Variants in DLG2 observed in about 807,000 individuals in gnomAD.
DLG2 encodes discs large MAGUK scaffold protein 2, also known as disks large homolog 2.
A neutral mutation model predicts 132.5 loss-of-function variants in DLG2; 45 were observed. That is an observed-to-expected ratio of 0.34 (90% confidence interval 0.27 to 0.44). The LOEUF (loss-of-function observed/expected upper bound fraction) is 0.44, where lower values mean the gene tolerates loss of function less well. Among genes scored for constraint, DLG2 ranks in the 20% least tolerant of loss-of-function variants. The pLI is 1.00. For synonymous variants in DLG2, 424 were observed against 419.6 expected (o/e 1.01, Z -0.13); for missense variants, 1,045 against 1,196.9 (o/e 0.87, Z 1.87).
intron 6 of DLG2, among the ~76,000 whole-genome samples, chr11:84,881,196 T>C (rs1000230007): frequency 2.6e-5 from 4 of 152,144 alleles, no homozygotes; most frequent in Non-Finnish European, 5.9e-5. Flanking sequence ...CCATGACATT[T>C]GCAAAGCCTC....
chr11:84,123,303 C>G (rs995702198), intron 9 of DLG2, among the ~76,000 whole-genome samples: 2 of 152,222 alleles, frequency 1.3e-5, no homozygotes, highest in Non-Finnish European at 2.9e-5. Flanking sequence ...ACTCCTCTTT[C>G]ATATTGATAA....
chr11:85,279,797 G>T (rs1250673790), intron 4 of DLG2, among the ~76,000 whole-genome samples: 1 of 152,056 alleles, frequency 6.6e-6, no homozygotes, highest in African/African-American at 2.4e-5. Context: ...GAGCAGTATT[G>T]TGTTACCCTA....
At chr11:84,581,912 C>CA (rs780759635) in intron 6 of DLG2, among the ~76,000 whole-genome samples, 1,950 of 64,872 alleles carry the variant, frequency 0.03, 15 homozygotes, top group South Asian at 0.051. Context: ...TCTCAAAAAC[C>CA]AAAAAAAAAA....
chr11:84,742,085 T>C (rs1387593695), intron 6 of DLG2, among the ~76,000 whole-genome samples: 1 of 151,940 alleles, frequency 6.6e-6, no homozygotes, highest in Non-Finnish European at 1.5e-5. Flanking sequence ...TTTTCTCAAC[T>C]TGAAGATAGG....
At chr11:84,173,101 T>C (rs1485533263) in intron 8 of DLG2, among the ~76,000 whole-genome samples, 2 of 152,220 alleles carry the variant, frequency 1.3e-5, no homozygotes, top group Admixed American at 1.3e-4. Flanking sequence ...ATTTTCTATA[T>C]ACAAAATTGT....
intron 3 of DLG2, among the ~76,000 whole-genome samples, chr11:85,343,909 A>G (rs1174000669): frequency 6.6e-6 from 1 of 151,484 alleles, no homozygotes; most frequent in African/African-American, 2.4e-5. Context: ...CATTTCAGCA[A>G]AGAAAATTAG....
At chr11:83,787,320 T>C (rs1420803179) in intron 17 of DLG2, among the ~76,000 whole-genome samples, 1 of 93,110 alleles carries the variant, frequency 1.1e-5, no homozygotes, top group Non-Finnish European at 2.1e-5. Flanking sequence ...TTGTTTTTTT[T>C]TTGTTTTTTT....
chr11:83,818,589 C>T (rs1287211170), intron 17 of DLG2, among the ~76,000 whole-genome samples: 3 of 152,096 alleles, frequency 2.0e-5, no homozygotes, highest in Admixed American at 1.3e-4. Flanking sequence ...CTATCAAGTT[C>T]GTTGTAGACA....
chr11:84,557,389 A>G (rs2099413993), intron 6 of DLG2, among the ~76,000 whole-genome samples: 1 of 152,180 alleles, frequency 6.6e-6, no homozygotes, highest in Admixed American at 6.5e-5. Context: ...CAATGACAAA[A>G]GCAAATTCCT....
At chr11:84,880,566 A>G (rs1466328504) in intron 6 of DLG2, among the ~76,000 whole-genome samples, 1 of 152,166 alleles carries the variant, frequency 6.6e-6, no homozygotes, top group Non-Finnish European at 1.5e-5. Flanking sequence ...GCAGATGCTT[A>G]TGCTACAGAT....
intron 7 of DLG2, among the ~76,000 whole-genome samples, chr11:84,322,451 C>G (rs1025164916): frequency 6.6e-6 from 1 of 152,146 alleles, no homozygotes; most frequent in Non-Finnish European, 1.5e-5. Context: ...CAAGAGTTCT[C>G]CCTTTATAGC....
At chr11:83,720,294 G>GAAAAAAAGAAAAA (rs2088058514) in intron 18 of DLG2, among the ~76,000 whole-genome samples, 1 of 27,302 alleles carries the variant, frequency 3.7e-5, no homozygotes, top group African/African-American at 1.4e-4. Context: ...CTCCATCTCA[G>GAAAAAAAGAAAAA]AAAAAAAAAA....
rs1298179760 is a variant in DLG2 at position 84,183,707 on chromosome 11, T to C, written c.574-20196A>G. The stretch of plus-strand genomic sequence containing the variant: ...CCTCATTTACATCAGGTATATCTCC[T>C]AATGCTATCCCTCCCCACTCCCCTC... On this transcript the variant is annotated intron_variant, in intron 8 of 27. Coordinates refer to ENST00000376104, the MANE Select transcript of DLG2 (RefSeq NM_001142699.3). Among the ~76,000 whole-genome samples, 5 of 152,282 alleles carry C rather than the reference T, an allele frequency of 3.3e-5. No homozygotes were observed. In the East Asian group the frequency reaches 9.6e-4, roughly 29 times the overall value.
At chr11:83,988,536 T>C (rs185033146) in intron 11 of DLG2, among the ~76,000 whole-genome samples, 5 of 152,148 alleles carry the variant, frequency 3.3e-5, no homozygotes, top group African/African-American at 1.2e-4. Context: ...ATTCTTCCTA[T>C]CCATGAGCAT....
chr11:84,241,650 T>C (rs757153819), intron 8 of DLG2, among the ~76,000 whole-genome samples: 16 of 152,158 alleles, frequency 1.1e-4, no homozygotes, highest in Non-Finnish European at 2.4e-4. Context: ...TCATGCTAAA[T>C]GTCTGATCAT....
chr11:84,475,314 A>G (rs1348051424), intron 7 of DLG2, among the ~76,000 whole-genome samples: 2 of 152,156 alleles, frequency 1.3e-5, no homozygotes, highest in African/African-American at 4.8e-5. Context: ...AAGGGTATCA[A>G]TAAGCATTTG....
intron 8 of DLG2, among the ~76,000 whole-genome samples, chr11:84,177,207 A>C (rs1019477088): frequency 6.6e-6 from 1 of 152,068 alleles, no homozygotes; most frequent in Non-Finnish European, 1.5e-5. Context: ...TTGCTTGCCA[A>C]GTTTTCCCTG....
At chr11:83,999,423 G>C (rs1386341445) in intron 11 of DLG2, among the ~76,000 whole-genome samples, 1 of 152,104 alleles carries the variant, frequency 6.6e-6, no homozygotes, top group African/African-American at 2.4e-5. Context: ...TCAGGACCTA[G>C]AGGGTTGTCC....
chr11:84,456,335 G>A (rs945895296), intron 7 of DLG2, among the ~76,000 whole-genome samples: 3 of 151,172 alleles, frequency 2.0e-5, no homozygotes, highest in Non-Finnish European at 4.4e-5. Flanking sequence ...ATAGACTTGT[G>A]TTTCTTTTTC....
Sources: allele counts gnomAD v4.1 joint callset (sites outside exome capture counted in the v4.1 genomes callset), GRCh38; gene constraint gnomAD v4.1.1; transcripts MANE v1.5; gene names NCBI Gene and HGNC (gene_info 2026-07-23, HGNC 2026-07-21).